Variants in AHCYL2 observed in about 807,000 individuals in gnomAD.
AHCYL2 encodes adenosylhomocysteinase like 2.
AHCYL2 carries 28 observed loss-of-function variants against 81.4 expected under a neutral mutation model. The observed-to-expected ratio is 0.34, with a 90% CI of 0.25 to 0.47. AHCYL2 has a LOEUF of 0.47. AHCYL2 is among the 20% of genes least tolerant of loss of function. AHCYL2 has a pLI of 1.00. For synonymous variants in AHCYL2, 272 were observed against 290.2 expected (o/e 0.94, Z 0.64); for missense variants, 551 against 785.1 (o/e 0.70, Z 3.56).
rs755849166 is a variant in AHCYL2, at chr7:129,368,577, T to C, written c.364-11061T>C. 1.3e-5 allele frequency: 21 copies of C among 1,613,376 alleles called. No individual in the cohort carries two copies. The Admixed American group carries it at 2.3e-4, about 18-fold the overall frequency. On this transcript the variant is annotated intron_variant, in intron 1 of 16. Coordinates refer to ENST00000325006, the MANE Select transcript of AHCYL2 (RefSeq NM_015328.4). The surrounding 1 kb of genome is among the most constrained non-coding windows in gnomAD (Gnocchi z 4.4). Reference sequence around the variant, plus strand: ...GTGAGTTCACTGGTCGTTTTGTTTCTCCTTCTGTTTCTTGATAATGAGAGG... The same window carrying C: ...GTGAGTTCACTGGTCGTTTTGTTTCCCCTTCTGTTTCTTGATAATGAGAGG...
At chr7:129,388,678 C>G (rs993400079) in intron 2 of AHCYL2, 3 of 160,600 alleles carry the variant, frequency 1.9e-5, no homozygotes, top group African/African-American at 7.2e-5. Context: ...CAAATTATAT[C>G]AAACATTTAA....
At chr7:129,369,903 G>A (rs1794299493) in intron 1 of AHCYL2, among the ~76,000 whole-genome samples, 1 of 152,066 alleles carries the variant, frequency 6.6e-6, no homozygotes, top group Admixed American at 6.5e-5. Flanking sequence ...CCATCTACAA[G>A]CTTATTCCAA....
chr7:129,401,606 C>A (rs566306554), intron 6 of AHCYL2, among the ~76,000 whole-genome samples: 37 of 152,250 alleles, frequency 2.4e-4, no homozygotes, highest in African/African-American at 8.7e-4. Context: ...GCTTCATATC[C>A]TAAAGGGGTG....
chr7:129,383,940 A>G (rs547447777), intron 2 of AHCYL2, among the ~76,000 whole-genome samples: 1 of 152,336 alleles, frequency 6.6e-6, no homozygotes, highest in South Asian at 2.1e-4. Flanking sequence ...GACTATAGTT[A>G]CAACAATGTG....
intron 1 of AHCYL2, among the ~76,000 whole-genome samples, chr7:129,309,580 A>G (rs1797573153): frequency 6.6e-6 from 1 of 152,136 alleles, no homozygotes; most frequent in Non-Finnish European, 1.5e-5. Flanking sequence ...ATGGTTACAA[A>G]TGGTTCATCA....
intron 6 of AHCYL2, among the ~76,000 whole-genome samples, chr7:129,401,288 C>T (rs1289387386): frequency 6.6e-6 from 1 of 152,084 alleles, no homozygotes; most frequent in African/African-American, 2.4e-5. Flanking sequence ...CGAGATCACA[C>T]CACTGCAGTC....
intron 1 of AHCYL2, among the ~76,000 whole-genome samples, chr7:129,376,101 A>G (rs1410020335): frequency 6.6e-6 from 1 of 152,102 alleles, no homozygotes; most frequent in African/African-American, 2.4e-5. Context: ...TGCCTGTTGG[A>G]ATTAGGCAGT....
At chr7:129,424,765 T>C (rs1797280871) in intron 13 of AHCYL2, 109 bp from the exon 14 acceptor site, 3 of 1,125,300 alleles carry the variant, frequency 2.7e-6, no homozygotes, top group Admixed American at 3.4e-5. Flanking sequence ...TTTCCAGCAG[T>C]GTTAGTCAGG....
At chr7:129,311,378 C>T (rs896413660) in intron 1 of AHCYL2, among the ~76,000 whole-genome samples, 9 of 152,156 alleles carry the variant, frequency 5.9e-5, no homozygotes, top group Admixed American at 2.0e-4. Flanking sequence ...TCATGGTGAT[C>T]GTACCTATTC....
chr7:129,243,187 AT>A (rs892177077), intron 1 of AHCYL2, among the ~76,000 whole-genome samples: 5 of 149,586 alleles, frequency 3.3e-5, no homozygotes, highest in African/African-American at 7.4e-5. Flanking sequence ...TGCCCAGCTA[AT>A]TTTTTTTTGT....
intron 1 of AHCYL2, among the ~76,000 whole-genome samples, chr7:129,331,572 G>T (rs1011238691): frequency 2.6e-5 from 4 of 152,190 alleles, no homozygotes; most frequent in African/African-American, 7.2e-5. Flanking sequence ...GCCGGGCGCA[G>T]TGGCTCCATG....
intron 1 of AHCYL2, among the ~76,000 whole-genome samples, chr7:129,248,194 A>G (rs1375690380): frequency 6.6e-6 from 1 of 152,118 alleles, no homozygotes; most frequent in South Asian, 2.1e-4. Flanking sequence ...TGTTCCATTG[A>G]TCAGCTTGTC....
chr7:129,388,910 C>G (rs1212263578), intron 2 of AHCYL2, 146 bp from the exon 3 acceptor site: 1 of 750,960 alleles, frequency 1.3e-6, no homozygotes, highest in Non-Finnish European at 2.1e-6. Flanking sequence ...CCTCTTCTGG[C>G]ATGTGTATAG....
chr7:129,323,639 T>C (rs1798114595), intron 1 of AHCYL2, among the ~76,000 whole-genome samples: 1 of 152,224 alleles, frequency 6.6e-6, no homozygotes, highest in Non-Finnish European at 1.5e-5. Flanking sequence ...TATCAATTAA[T>C]AAGAGAAAGG....
intron 1 of AHCYL2, among the ~76,000 whole-genome samples, chr7:129,317,626 G>A (rs1030595567): frequency 6.6e-6 from 1 of 152,160 alleles, no homozygotes; most frequent in Non-Finnish European, 1.5e-5. Flanking sequence ...CCCCTGCCTT[G>A]CTCAGTCACT....
At chr7:129,321,074 G>GT (rs965436117) in intron 1 of AHCYL2, among the ~76,000 whole-genome samples, 49 of 151,938 alleles carry the variant, frequency 3.2e-4, no homozygotes, top group South Asian at 1.9e-3. Context: ...CTTTAGTACA[G>GT]TTTTTTTTGT....
intron 1 of AHCYL2, among the ~76,000 whole-genome samples, chr7:129,334,730 G>C (rs1205980716): frequency 6.6e-6 from 1 of 152,146 alleles, no homozygotes; most frequent in Non-Finnish European, 1.5e-5. Flanking sequence ...GAGACAAGCA[G>C]AATTGAGAAA....
intron 1 of AHCYL2, among the ~76,000 whole-genome samples, chr7:129,320,829 T>C (rs1797989965): frequency 6.6e-6 from 1 of 152,166 alleles, no homozygotes; most frequent in Non-Finnish European, 1.5e-5. Flanking sequence ...ACTTTCTGTC[T>C]CTCGATTTGC....
intron 1 of AHCYL2, among the ~76,000 whole-genome samples, chr7:129,232,275 G>A (rs1036706295): frequency 6.6e-6 from 1 of 152,150 alleles, no homozygotes; most frequent in African/African-American, 2.4e-5. Context: ...TAATCCTCAT[G>A]ACAACTTTAT....
Sources: allele counts gnomAD v4.1 joint callset (sites outside exome capture counted in the v4.1 genomes callset), GRCh38; gene constraint gnomAD v4.1.1; non-coding constraint Gnocchi (gnomAD v3.1); transcripts MANE v1.5; gene names NCBI Gene and HGNC (gene_info 2026-07-23, HGNC 2026-07-21).